Variants in PRKCH observed in about 807,000 individuals in gnomAD.
The protein encoded by PRKCH is protein kinase C eta, also known as protein kinase C eta type.
Under a neutral mutation model 82.5 loss-of-function variants are expected in PRKCH, and 28 were observed. The ratio of observed to expected loss-of-function variants is 0.34; its 90% CI spans 0.25 to 0.47. The LOEUF is 0.47. Ranked by LOEUF, PRKCH falls within the 20% of genes least tolerant of loss-of-function variation. The probability of loss-of-function intolerance (pLI) is 1.00; values close to 1 mark genes in which losing one functional copy is unlikely to be tolerated. For synonymous variants in PRKCH, 322 were observed against 327.4 expected (o/e 0.98, Z 0.18); for missense variants, 705 against 881.8 (o/e 0.80, Z 2.54).
chr14:61,293,690 G>A (rs906088871), intron 1 of PRKCH, among the ~76,000 whole-genome samples: 1 of 152,090 alleles, frequency 6.6e-6, no homozygotes. Flanking sequence ...TTTTTATTGT[G>A]CTAAATAATA....
intron 2 of PRKCH, among the ~76,000 whole-genome samples, chr14:61,432,913 T>C (rs1594700249): frequency 9.5e-5 from 1 of 10,538 alleles, no homozygotes; most frequent in South Asian, 8.1e-3. Flanking sequence ...TTCTTCTTAA[T>C]AAAAAAAAAG....
chr14:61,216,121 C>T (rs116954395), intron 1 of PRKCH, among the ~76,000 whole-genome samples: 1 of 152,076 alleles, frequency 6.6e-6, no homozygotes, highest in African/African-American at 2.4e-5. Flanking sequence ...TTATTCAGAT[C>T]CTAGCCACCT....
intron 3 of PRKCH, among the ~76,000 whole-genome samples, chr14:61,445,326 C>T (rs1233013266): frequency 6.6e-6 from 1 of 152,204 alleles, no homozygotes; most frequent in African/African-American, 2.4e-5. Flanking sequence ...TGTCCGTTTA[C>T]TTCAGCATCT....
chr14:61,483,503 C>T (rs8009369), intron 9 of PRKCH, among the ~76,000 whole-genome samples: 2,018 of 152,304 alleles, frequency 0.013, 41 homozygotes, highest in African/African-American at 0.045. Flanking sequence ...CTATTAAATT[C>T]TTGCTTCGCT....
chr14:61,448,698 T>C (rs978048397), intron 4 of PRKCH, among the ~76,000 whole-genome samples: 2 of 152,096 alleles, frequency 1.3e-5, no homozygotes, highest in African/African-American at 4.8e-5. Flanking sequence ...AGGGCATCGA[T>C]AGTTTGTTGG....
chr14:61,469,823 G>T (rs1379102238), intron 9 of PRKCH, among the ~76,000 whole-genome samples: 1 of 151,742 alleles, frequency 6.6e-6, no homozygotes, highest in Non-Finnish European at 1.5e-5. Context: ...TGGCAGGTTA[G>T]GGGGGAAGGT....
intron 9 of PRKCH, among the ~76,000 whole-genome samples, chr14:61,470,417 C>T (rs1281968659): frequency 3.3e-5 from 5 of 152,112 alleles, no homozygotes; most frequent in African/African-American, 9.7e-5. Flanking sequence ...GTCTACCTCC[C>T]GTCTCCATCC....
chr14:61,335,522 A>G (rs1431969650), intron 1 of PRKCH, among the ~76,000 whole-genome samples: 4 of 152,188 alleles, frequency 2.6e-5, no homozygotes, highest in Admixed American at 6.5e-5. Flanking sequence ...TAAACATACT[A>G]ACAGTAATCA....
Position 61,193,076 on chromosome 14 carries a change from G to T in PRKCH, c.-19+5408G>T, listed in dbSNP as rs533010742. Among the ~76,000 whole-genome samples, 7 of 152,300 alleles carry T rather than the reference G, an allele frequency of 4.6e-5. No individual in the cohort carries two copies. The South Asian group carries it at 1.4e-3, about 32-fold the overall frequency. On this transcript the variant is annotated intron_variant, in intron 1 of 3. Transcript: ENST00000555185. ...ATTAAAGGCAAGGGAAGCCATCCTA[G>T]GCAATCATGGGAAAGATGGTGTCAG...
At chr14:61,221,508 C>T (rs1010497970) in intron 1 of PRKCH, among the ~76,000 whole-genome samples, 1 of 151,760 alleles carries the variant, frequency 6.6e-6, no homozygotes, top group African/African-American at 2.4e-5. Context: ...CCTCCCCATT[C>T]TTTTCTCTCC....
intron 12 of PRKCH, among the ~76,000 whole-genome samples, chr14:61,531,284 T>C (rs1325330509): frequency 6.6e-6 from 1 of 152,202 alleles, no homozygotes; most frequent in Non-Finnish European, 1.5e-5. Flanking sequence ...ACCACATTAG[T>C]TGAGCTCCAA....
chr14:61,534,712 G>T (rs1381853092), intron 12 of PRKCH, among the ~76,000 whole-genome samples: 3 of 152,248 alleles, frequency 2.0e-5, no homozygotes, highest in Admixed American at 6.5e-5. Flanking sequence ...TGTAGATGAG[G>T]AAACGGGCCC....
At chr14:61,281,048 T>C in intron 1 of PRKCH, 2 of 1,525,744 alleles carry the variant, frequency 1.3e-6, no homozygotes, top group Non-Finnish European at 1.8e-6. Context: ...GGCAGCGCGA[T>C]GCTGGCCGAC....
intron 1 of PRKCH, among the ~76,000 whole-genome samples, chr14:61,287,694 A>T (rs912678376): frequency 5.9e-5 from 9 of 151,710 alleles, no homozygotes; most frequent in African/African-American, 2.2e-4. Flanking sequence ...TGGGCAACAG[A>T]GTGAGATTCC....
At chr14:61,519,570 T>C (rs971124739) in intron 10 of PRKCH, among the ~76,000 whole-genome samples, 1 of 152,176 alleles carries the variant, frequency 6.6e-6, no homozygotes, top group Non-Finnish European at 1.5e-5. Flanking sequence ...ACTGACTTTC[T>C]TCATTATAAA....
At chr14:61,187,916 C>A (rs777481094) in intron 1 of PRKCH, among the ~76,000 whole-genome samples, 1 of 152,188 alleles carries the variant, frequency 6.6e-6, no homozygotes, top group Non-Finnish European at 1.5e-5. Context: ...TTCTCTGGCA[C>A]ATAGTGGGCA....
chr14:61,379,162 A>G (rs1054426941), intron 1 of PRKCH, among the ~76,000 whole-genome samples: 1 of 151,898 alleles, frequency 6.6e-6, no homozygotes, highest in Non-Finnish European at 1.5e-5. Context: ...TGTAACCCCT[A>G]TACATCTTCT....
At chr14:61,483,427 G>C (rs1348789515) in intron 9 of PRKCH, among the ~76,000 whole-genome samples, 1 of 152,240 alleles carries the variant, frequency 6.6e-6, no homozygotes, top group African/African-American at 2.4e-5. Flanking sequence ...GCTTACATTG[G>C]CCAACCCGAA....
intron 1 of PRKCH, among the ~76,000 whole-genome samples, chr14:61,253,997 CCCTCCCTCCCTCCCTT>C (rs1566795860): frequency 1.5e-5 from 2 of 132,518 alleles, no homozygotes; most frequent in African/African-American, 2.8e-5. Flanking sequence ...CTCCCTCCCT[CCCTCCCTCCCTCCCTT>C]CCTTCCTTCC....
Sources: allele counts gnomAD v4.1 joint callset (sites outside exome capture counted in the v4.1 genomes callset), GRCh38; gene constraint gnomAD v4.1.1; transcripts MANE v1.5; gene names NCBI Gene and HGNC (gene_info 2026-07-23, HGNC 2026-07-21).